Variants in PRKD1 observed in about 807,000 individuals in gnomAD.
The protein encoded by PRKD1 is protein kinase D1.
PRKD1 carries 63 observed loss-of-function variants against 95.9 expected under a neutral mutation model. That is an observed-to-expected ratio of 0.66 (90% confidence interval 0.54 to 0.81). The LOEUF is 0.81. PRKD1 is among the 30% of genes least tolerant of loss of function. The pLI is 0.00. For synonymous variants in PRKD1, 425 were observed against 423.1 expected (o/e 1.00, Z -0.05); for missense variants, 1,048 against 1,165.3 (o/e 0.90, Z 1.47).
At chr14:29,785,111 A>G (rs187080465) in intron 1 of PRKD1, among the ~76,000 whole-genome samples, 69 of 152,300 alleles carry the variant, frequency 4.5e-4, no homozygotes, top group Middle Eastern at 6.8e-3. Flanking sequence ...AAATATGTAC[A>G]GCTGCCCCTC....
chr14:29,716,721 A>C (rs2139370582), intron 2 of PRKD1, among the ~76,000 whole-genome samples: 1 of 152,338 alleles, frequency 6.6e-6, no homozygotes, highest in South Asian at 2.1e-4. Flanking sequence ...AGAAAGCAAG[A>C]ATATTTAGGA....
intron 1 of PRKD1, among the ~76,000 whole-genome samples, chr14:29,804,144 A>T (rs1264189373): frequency 2.0e-5 from 3 of 151,886 alleles, no homozygotes; most frequent in Non-Finnish European, 4.4e-5. Context: ...GGGGAGGCTG[A>T]GGCAGGAGAA....
intron 1 of PRKD1, among the ~76,000 whole-genome samples, chr14:29,742,861 C>A (rs1887043424): frequency 6.6e-6 from 1 of 152,128 alleles, no homozygotes; most frequent in African/African-American, 2.4e-5. Flanking sequence ...TTATTCAGTA[C>A]AAGTTTGTAT....
intron 4 of PRKD1, among the ~76,000 whole-genome samples, chr14:29,654,438 T>C (rs1881717190): frequency 6.6e-6 from 1 of 152,170 alleles, no homozygotes. Context: ...CCTCCTAAAA[T>C]GCTAGGATTA....
intron 1 of PRKD1, among the ~76,000 whole-genome samples, chr14:29,747,823 A>G (rs1320903642): frequency 6.6e-6 from 1 of 152,154 alleles, no homozygotes; most frequent in African/African-American, 2.4e-5. Flanking sequence ...GGCTTACTGC[A>G]ACCTCTGTCT....
At chr14:29,856,023 C>T (rs1892485971) in intron 1 of PRKD1, among the ~76,000 whole-genome samples, 1 of 152,130 alleles carries the variant, frequency 6.6e-6, no homozygotes, top group Non-Finnish European at 1.5e-5. Context: ...GCACACTAAT[C>T]CATCATAATA....
chr14:29,715,264 T>C (rs8022775), intron 2 of PRKD1, among the ~76,000 whole-genome samples: 3,904 of 151,962 alleles, frequency 0.026, 163 homozygotes, highest in African/African-American at 0.09. Flanking sequence ...TCCAAGTTTA[T>C]ACCCTCTTTG....
intron 1 of PRKD1, among the ~76,000 whole-genome samples, chr14:29,767,817 G>T (rs1336705342): frequency 6.6e-6 from 1 of 152,116 alleles, no homozygotes; most frequent in African/African-American, 2.4e-5. Flanking sequence ...TTAAGTGATT[G>T]ATTTCAATCA....
chr14:29,701,828 T>G (rs1312301276), intron 2 of PRKD1, among the ~76,000 whole-genome samples: 3 of 152,186 alleles, frequency 2.0e-5, no homozygotes, highest in Non-Finnish European at 4.4e-5. Context: ...TGATAATTTA[T>G]TTGCTACCTA....
At chr14:29,711,317 T>G (rs1238332708) in intron 2 of PRKD1, among the ~76,000 whole-genome samples, 1 of 152,142 alleles carries the variant, frequency 6.6e-6, no homozygotes, top group Non-Finnish European at 1.5e-5. Flanking sequence ...ATATTTTAAC[T>G]TTAGAAACCT....
At chr14:29,775,918 A>C (rs1888726901) in intron 1 of PRKD1, among the ~76,000 whole-genome samples, 1 of 152,142 alleles carries the variant, frequency 6.6e-6, no homozygotes. Context: ...CTGACACCTC[A>C]CATGGCCAGG....
chr14:29,659,773 A>G (rs1350590587), intron 4 of PRKD1, among the ~76,000 whole-genome samples: 1 of 152,178 alleles, frequency 6.6e-6, no homozygotes, highest in Non-Finnish European at 1.5e-5. Flanking sequence ...CTGGTTAAGT[A>G]TATAGCTATA....
chr14:29,764,778 C>T (rs1317194327), intron 1 of PRKD1, among the ~76,000 whole-genome samples: 1 of 152,154 alleles, frequency 6.6e-6, no homozygotes, highest in South Asian at 2.1e-4. Context: ...TTAGATGGAA[C>T]AAAACCATTT....
chr14:29,602,426 TC>T (rs1893555390), intron 13 of PRKD1, among the ~76,000 whole-genome samples: 1 of 118,790 alleles, frequency 8.4e-6, no homozygotes, highest in African/African-American at 3.9e-5. Context: ...CCTGTATTCC[TC>T]TTTTTTTTTT....
chr14:29,830,123 G>A (rs1416727890), intron 1 of PRKD1, among the ~76,000 whole-genome samples: 1 of 152,130 alleles, frequency 6.6e-6, no homozygotes, highest in African/African-American at 2.4e-5. Flanking sequence ...GGGCTGATTT[G>A]TGAATATAGC....
chr14:29,893,253 A>G (rs1039567540), intron 1 of PRKD1, among the ~76,000 whole-genome samples: 3 of 152,258 alleles, frequency 2.0e-5, no homozygotes, highest in African/African-American at 4.8e-5. Context: ...AATATTTAAT[A>G]CATATAAGAG....
At chr14:29,631,535 C>T (rs985833160) in intron 9 of PRKD1, among the ~76,000 whole-genome samples, 18 of 150,842 alleles carry the variant, frequency 1.2e-4, no homozygotes, top group Admixed American at 6.6e-4. Flanking sequence ...AATCTTGCTC[C>T]GTCACCTACG....
At chr14:29,641,266 T>G (rs45628231) in intron 4 of PRKD1, among the ~76,000 whole-genome samples, 4,270 of 152,250 alleles carry the variant, frequency 0.028, 181 homozygotes, top group African/African-American at 0.091. Context: ...TTAATAGCAT[T>G]AATAAAGAGT....
chr14:29,664,486 G>A lies in PRKD1; in HGVS notation c.536-627C>T, dbSNP rs185827905. Among the ~76,000 whole-genome samples, 15 of 152,242 alleles carry A rather than the reference G, an allele frequency of 9.9e-5. No homozygotes were observed. In the East Asian group the frequency reaches 2.9e-3, roughly 29 times the overall value. On this transcript the variant is annotated intron_variant, in intron 3 of 17. Transcript: ENST00000331968. ...TTTTAATATTCATATTCCCCACGTA[G>A]CTGGAGGCCATTACTTAGAATCTCT... is the stretch of plus-strand genomic sequence containing the variant.
Sources: allele counts gnomAD v4.1 joint callset (sites outside exome capture counted in the v4.1 genomes callset), GRCh38; gene constraint gnomAD v4.1.1; transcripts MANE v1.5; gene names NCBI Gene and HGNC (gene_info 2026-07-23, HGNC 2026-07-21).